ELMO1: variants seen among roughly 807,000 people sequenced by gnomAD.
ELMO1 encodes the protein engulfment and cell motility 1, also known as engulfment and cell motility protein 1.
A neutral mutation model predicts 98.9 loss-of-function variants in ELMO1; 26 were observed. That is an observed-to-expected ratio of 0.26 (90% confidence interval 0.19 to 0.36). The LOEUF (loss-of-function observed/expected upper bound fraction) is 0.36, where lower values mean the gene tolerates loss of function less well. Among genes scored for constraint, ELMO1 ranks in the 10% least tolerant of loss-of-function variants. The probability of loss-of-function intolerance (pLI) is 1.00; values close to 1 mark genes in which losing one functional copy is unlikely to be tolerated. For missense variants in ELMO1, 627 were observed against 935.2 expected (o/e 0.67, Z 4.30); for synonymous variants, 346 against 346.0 (o/e 1.00, Z 0.00).
intron 14 of ELMO1, among the ~76,000 whole-genome samples, chr7:37,103,855 T>C (rs1334140293): frequency 6.7e-6 from 1 of 148,678 alleles, no homozygotes; most frequent in Non-Finnish European, 1.5e-5. Context: ...TATATATATA[T>C]TAGCCGGGCA....
intron 16 of ELMO1, among the ~76,000 whole-genome samples, chr7:36,899,348 G>A (rs1283372038): frequency 6.6e-6 from 1 of 152,140 alleles, no homozygotes; most frequent in East Asian, 1.9e-4. Flanking sequence ...AGGAGGGGAT[G>A]TTACAGAAGT....
At chr7:37,217,604 G>T (rs1793359804) in intron 10 of ELMO1, 8 of 419,772 alleles carry the variant, frequency 1.9e-5, no homozygotes, top group Admixed American at 1.6e-4. Flanking sequence ...CCAAGAACAT[G>T]GGGGGTGGGG....
At chr7:37,191,977 G>A (rs1345728946) in intron 13 of ELMO1, among the ~76,000 whole-genome samples, 1 of 152,182 alleles carries the variant, frequency 6.6e-6, no homozygotes, top group Non-Finnish European at 1.5e-5. Flanking sequence ...GTGTACTGAG[G>A]ACACATGGAA....
rs572428091 is a variant in ELMO1 at position 37,345,786 on chromosome 7, G to A, written c.-73-3023C>T. 2.4e-4 allele frequency among the ~76,000 whole-genome samples: 36 copies of A among 151,418 alleles called. No homozygotes were observed. The East Asian group carries it at 2.7e-3, about 12-fold the overall frequency. On this transcript the variant is annotated intron_variant, in intron 1 of 21. Transcript: ENST00000310758. ...AGGCAGATCACAAGGTCAGGAGATC[G>A]AGACCATCCTGGCTAACGCCGTGAA...
At chr7:36,910,677 G>A (rs1396296372) in intron 16 of ELMO1, among the ~76,000 whole-genome samples, 2 of 152,190 alleles carry the variant, frequency 1.3e-5, no homozygotes, top group East Asian at 3.9e-4. Flanking sequence ...AGTGTACAGT[G>A]CAGACCTTGC....
chr7:37,205,781 AG>A (rs1419869937), intron 13 of ELMO1, among the ~76,000 whole-genome samples: 1 of 152,234 alleles, frequency 6.6e-6, no homozygotes, highest in African/African-American at 2.4e-5. Context: ...GATCTAAAAA[AG>A]CATGTTGAAT....
chr7:37,089,683 A>G lies in ELMO1; in HGVS notation c.1300+6936T>C, dbSNP rs963928656. Among the ~76,000 whole-genome samples the G allele has an allele frequency of 8.5e-5, 13 of 152,340 alleles. No individual in the cohort carries two copies. In the South Asian group the frequency reaches 1.0e-3, roughly 12 times the overall value. On this transcript the variant is annotated intron_variant, in intron 15 of 21. Coordinates refer to ENST00000310758, the MANE Select transcript of ELMO1 (RefSeq NM_014800.11). The stretch of plus-strand genomic sequence containing the variant: ...TACTAGTGCATTTCCCCAATTCTCA[A>G]TGAAGACAAAATGACAGAGGACTGT...
intron 15 of ELMO1, among the ~76,000 whole-genome samples, chr7:37,069,372 T>C (rs910153758): frequency 6.6e-6 from 1 of 152,184 alleles, no homozygotes; most frequent in Non-Finnish European, 1.5e-5. Flanking sequence ...AATTAGTAAA[T>C]TAATTCTTGA....
chr7:37,166,474 T>C (rs1789698458), intron 13 of ELMO1, among the ~76,000 whole-genome samples: 1 of 152,172 alleles, frequency 6.6e-6, no homozygotes, highest in Non-Finnish European at 1.5e-5. Context: ...TGTGGACATT[T>C]AGTGCTATAA....
chr7:37,380,838 C>T (rs752919233), intron 1 of ELMO1, among the ~76,000 whole-genome samples: 50 of 152,308 alleles, frequency 3.3e-4, no homozygotes, highest in Non-Finnish European at 4.0e-4. Context: ...CATGCCTGAA[C>T]GAAGCTCATC....
At chr7:37,325,968 C>T (rs556378574) in intron 2 of ELMO1, among the ~76,000 whole-genome samples, 6 of 152,280 alleles carry the variant, frequency 3.9e-5, no homozygotes, top group African/African-American at 1.4e-4. Context: ...AATGATCCTA[C>T]CACCACTCTC....
intron 16 of ELMO1, chr7:36,985,174 G>C: frequency 1.1e-6 from 1 of 923,542 alleles, no homozygotes; most frequent in Non-Finnish European, 1.3e-6. Flanking sequence ...ATAGCTCAGA[G>C]CATCCCTTTC....
rs1009014257 is a variant in ELMO1, at chr7:36,870,757, T to C, written c.1823-282A>G. ...CAAAGACCTAAAAAAACACCCATCA[T>C]AGTACTGTTTGAAGTCATGGCATTA... is the stretch of plus-strand genomic sequence containing the variant. On this transcript the variant is annotated intron_variant, in intron 19 of 21. Coordinates refer to ENST00000310758, the MANE Select transcript of ELMO1 (RefSeq NM_014800.11). This position sits in a 1 kb window ranked among gnomAD's most constrained non-coding sequence, Gnocchi z 4.4. Among the ~76,000 whole-genome samples the C allele has an allele frequency of 6.6e-6, 1 of 152,226 alleles. No individual in the cohort carries two copies. Among genetic ancestry groups the C allele is most frequent in the Non-Finnish European group, 1.5e-5 (1 of 68,046 alleles).
chr7:37,235,204 A>C (rs2130642889), intron 7 of ELMO1, among the ~76,000 whole-genome samples: 1 of 152,340 alleles, frequency 6.6e-6, no homozygotes, highest in Middle Eastern at 3.4e-3. Flanking sequence ...CAGACAATGG[A>C]TCACAAGAAA....
intron 6 of ELMO1, among the ~76,000 whole-genome samples, chr7:37,256,549 AG>A (rs1180327118): frequency 1.7e-4 from 17 of 97,358 alleles, no homozygotes; most frequent in African/African-American, 9.2e-4. Context: ...GAAAGAAGGA[AG>A]AAAGGAAGGA....
intron 16 of ELMO1, among the ~76,000 whole-genome samples, chr7:36,976,618 C>G (rs1790571806): frequency 6.6e-6 from 1 of 152,124 alleles, no homozygotes; most frequent in Admixed American, 6.5e-5. Context: ...TTGTTTGGCT[C>G]TCAGAGAAGG....
At chr7:36,935,476 C>A (rs1786447911) in intron 16 of ELMO1, among the ~76,000 whole-genome samples, 1 of 152,152 alleles carries the variant, frequency 6.6e-6, no homozygotes, top group Admixed American at 6.5e-5. Context: ...TTTTTGTTGC[C>A]ATCCTTATCT....
intron 7 of ELMO1, among the ~76,000 whole-genome samples, chr7:37,241,608 AT>A (rs1208307105): frequency 6.6e-6 from 1 of 152,046 alleles, no homozygotes; most frequent in Non-Finnish European, 1.5e-5. Context: ...AATTAATCAA[AT>A]TTTTTTAGTA....
intron 1 of ELMO1, among the ~76,000 whole-genome samples, chr7:37,423,565 G>A (rs946384713): frequency 6.6e-6 from 1 of 151,774 alleles, no homozygotes; most frequent in Non-Finnish European, 1.5e-5. Context: ...GGGTGACAGA[G>A]CCAGACCCTG....
Sources: allele counts gnomAD v4.1 joint callset (sites outside exome capture counted in the v4.1 genomes callset), GRCh38; gene constraint gnomAD v4.1.1; non-coding constraint Gnocchi (gnomAD v3.1); transcripts MANE v1.5; gene names NCBI Gene and HGNC (gene_info 2026-07-23, HGNC 2026-07-21).